Variants in CLASP1 observed in about 807,000 individuals in gnomAD.
CLASP1 encodes CLIP-associating protein 1.
CLASP1 carries 38 observed loss-of-function variants against 192.3 expected under a neutral mutation model. The ratio of observed to expected loss-of-function variants is 0.20; its 90% confidence interval spans 0.15 to 0.26. The LOEUF is 0.26. Ranked by LOEUF, CLASP1 falls within the 10% of genes least tolerant of loss-of-function variation. The pLI, the probability that CLASP1 is intolerant of heterozygous loss-of-function variation, is 1.00. For missense variants in CLASP1, 1,433 were observed against 1,932.5 expected (o/e 0.74, Z 4.85); for synonymous variants, 691 against 712.8 (o/e 0.97, Z 0.49).
At chr2:121,443,690 T>C (rs1041685724) in intron 19 of CLASP1, among the ~76,000 whole-genome samples, 2 of 152,216 alleles carry the variant, frequency 1.3e-5, no homozygotes, top group African/African-American at 4.8e-5. Context: ...GTGAGGCTTA[T>C]TAGAAATTCA....
chr2:121,436,078 T>C (rs1020729132), intron 19 of CLASP1, among the ~76,000 whole-genome samples: 6 of 152,110 alleles, frequency 3.9e-5, no homozygotes, highest in Middle Eastern at 3.4e-3. Flanking sequence ...GTCACCCAGG[T>C]TGGAGTACAG....
At chr2:121,616,339 C>A (rs966292429) in intron 1 of CLASP1, among the ~76,000 whole-genome samples, 2 of 152,050 alleles carry the variant, frequency 1.3e-5, no homozygotes, top group African/African-American at 4.8e-5. Context: ...CCCAGCTACT[C>A]GGGAGGCTGA....
chr2:121,481,242 C>A (rs1444914686), intron 8 of CLASP1, among the ~76,000 whole-genome samples: 1 of 151,882 alleles, frequency 6.6e-6, no homozygotes, highest in Non-Finnish European at 1.5e-5. Context: ...AAAAATATTT[C>A]AATAGAAGTG....
intron 8 of CLASP1, among the ~76,000 whole-genome samples, chr2:121,491,088 G>A (rs1261462879): frequency 6.6e-6 from 1 of 152,140 alleles, no homozygotes; most frequent in Non-Finnish European, 1.5e-5. Flanking sequence ...GACTTGCACA[G>A]GTATTTCTCA....
chr2:121,510,652 C>T (rs146812732), intron 7 of CLASP1, among the ~76,000 whole-genome samples: 1,670 of 151,580 alleles, frequency 0.011, 32 homozygotes, highest in East Asian at 0.059. Context: ...ACAGAAATTA[C>T]CCGCGCATGG....
chr2:121,469,351 C>T (rs930768101), intron 9 of CLASP1, among the ~76,000 whole-genome samples: 3 of 152,204 alleles, frequency 2.0e-5, no homozygotes, highest in African/African-American at 7.2e-5. Flanking sequence ...AGTATACACA[C>T]ATGCCCCAAT....
intron 31 of CLASP1, 38 bp from the exon 33 acceptor site, chr2:121,387,266 T>A (rs567804590): frequency 9.8e-6 from 13 of 1,328,254 alleles, no homozygotes; most frequent in Non-Finnish European, 1.3e-5. Flanking sequence ...ATTCAAGGGC[T>A]GTATATAGAA....
Position 121,528,800 on chromosome 2 carries a change from C to A in CLASP1, c.275-20G>T, listed in dbSNP as rs2094653032. On this transcript the variant is annotated intron_variant, in intron 3 of 39. Transcript: ENST00000263710. ...GCAGCACTGAAAATCAAAATGGAAA[C>A]TGATCAAATGAAACCCTATTTGGGG... 1 of 1,587,040 alleles carries A rather than the reference C, an allele frequency of 6.3e-7. No individual in the cohort carries two copies.
rs547324753 is a variant in CLASP1 at position 121,479,557 on chromosome 2, C to T, written c.713-9597G>A. On this transcript the variant is annotated intron_variant, in intron 8 of 39. Transcript: ENST00000263710. ...CATTATCCAAACTATATTCCTTGCC[C>T]ATCTGTTTCCTCTTAATTTTAACCG... Among the ~76,000 whole-genome samples, 27 of 152,286 alleles carry T rather than the reference C, an allele frequency of 1.8e-4. No individual in the cohort carries two copies. In the South Asian group the frequency reaches 5.6e-3, roughly 32 times the overall value.
In CLASP1 at chr2:121,375,674, T is replaced by C. The variant is rs115217902; in HGVS notation, c.3642+1825A>G. ...ACCGCACCTAGCTGGTAGTTCTTTA[T>C]AGCAGTGTGAGAACTGACTAATACA... On this transcript the variant is annotated intron_variant, in intron 34 of 39. Transcript: ENST00000263710. Among the ~76,000 whole-genome samples, 1,133 of 152,254 alleles carry C rather than the reference T, an allele frequency of 7.4e-3. 20 individuals are homozygous for C. Among genetic ancestry groups the C allele is most frequent in the African/African-American group, 0.026 (1,081 of 41,548 alleles).
At chr2:121,627,738 C>T (rs1237495685) in intron 1 of CLASP1, among the ~76,000 whole-genome samples, 2 of 152,124 alleles carry the variant, frequency 1.3e-5, no homozygotes, top group African/African-American at 2.4e-5. Context: ...AGATAAGGAA[C>T]CCTGTGCTTG....
At chr2:121,474,318 T>C (rs1002837480) in intron 8 of CLASP1, among the ~76,000 whole-genome samples, 10 of 152,076 alleles carry the variant, frequency 6.6e-5, no homozygotes, top group Non-Finnish European at 1.2e-4. Flanking sequence ...AAAGAGCATA[T>C]ATTTTTCAAA....
intron 26 of CLASP1, chr2:121,403,835 T>C (rs2076507249): frequency 4.3e-6 from 2 of 459,954 alleles, no homozygotes; most frequent in African/African-American, 2.0e-5. Flanking sequence ...TCAGGAGGTG[T>C]GGGCACCAGC....
At chr2:121,537,269 G>A (rs1313208712) in intron 2 of CLASP1, among the ~76,000 whole-genome samples, 3 of 152,028 alleles carry the variant, frequency 2.0e-5, no homozygotes, top group Non-Finnish European at 4.4e-5. Flanking sequence ...GCACAAGCCT[G>A]TAGTCTCAGC....
At chr2:121,356,859 G>A (rs563846650) in intron 37 of CLASP1, among the ~76,000 whole-genome samples, 72 of 152,302 alleles carry the variant, frequency 4.7e-4, no homozygotes, top group South Asian at 2.9e-3. Flanking sequence ...TCTACTCTAA[G>A]GGGTAGAACT....
At chr2:121,643,352 A>G (rs1484379409) in intron 1 of CLASP1, among the ~76,000 whole-genome samples, 2 of 152,244 alleles carry the variant, frequency 1.3e-5, no homozygotes, top group Non-Finnish European at 2.9e-5. Context: ...CACAACTTCA[A>G]TATAAGCCAA....
At chr2:121,343,328 C>T (rs1271747831) in intron 39 of CLASP1, among the ~76,000 whole-genome samples, 1 of 152,180 alleles carries the variant, frequency 6.6e-6, no homozygotes. Context: ...TGGAAAACAG[C>T]AGGGAGGTTC....
At chr2:121,423,684 C>A (rs1283540038) in intron 22 of CLASP1, among the ~76,000 whole-genome samples, 2 of 152,184 alleles carry the variant, frequency 1.3e-5, no homozygotes, top group Non-Finnish European at 2.9e-5. Flanking sequence ...TTCAGATATT[C>A]CAGCTGTGAC....
chr2:121,510,975 G>C (rs2094115899), intron 7 of CLASP1, among the ~76,000 whole-genome samples: 1 of 152,142 alleles, frequency 6.6e-6, no homozygotes. Flanking sequence ...TGATGGGTTT[G>C]CAAGAGGCAG....
Sources: gnomAD v4.1 joint callset for allele counts (sites outside exome capture counted in the v4.1 genomes callset) on GRCh38, gnomAD v4.1.1 for gene constraint, MANE v1.5 for transcripts, NCBI Gene and HGNC (gene_info 2026-07-23, HGNC 2026-07-21) for gene names.